TP53I13: variants seen among roughly 807,000 people sequenced by gnomAD.
The protein encoded by TP53I13 is tumor protein p53 inducible protein 13, also known as tumor protein p53-inducible protein 13.
TP53I13 carries 27 observed loss-of-function variants against 39.1 expected under a neutral mutation model. That is an observed-to-expected ratio of 0.69 (90% CI 0.51 to 0.95). TP53I13 has a LOEUF of 0.95. Ranked by LOEUF, TP53I13 falls within the 40% of genes least tolerant of loss-of-function variation. The probability of loss-of-function intolerance (pLI) is 0.00; values close to 1 mark genes in which losing one functional copy is unlikely to be tolerated. For synonymous variants in TP53I13, 230 were observed against 224.6 expected, an observed-to-expected ratio of 1.02 and a Z score of -0.22; for missense variants, 544 against 520.4, an observed-to-expected ratio of 1.05 and a Z score of -0.44.
At chr17:29,576,336 T>C (rs1000175695), downstream of TP53I13, 2 of 1,613,184 alleles carry the variant, frequency 1.2e-6, no homozygotes, top group Admixed American at 1.7e-5. Flanking sequence ...CTGCGGTGTG[T>C]GCTCCCGCCT....
chr17:29,579,265 T>C, the TP53I13 span: 6 of 505,286 alleles, frequency 1.2e-5, no homozygotes, highest in Non-Finnish European at 3.5e-6. Flanking sequence ...GCTCCCCAGG[T>C]TCCTCAATCA....
chr17:29,576,095 G>T (rs1000227959), downstream of TP53I13: 3 of 1,613,734 alleles, frequency 1.9e-6, no homozygotes, highest in Non-Finnish European at 2.5e-6. Flanking sequence ...AGGCCAGCAG[G>T]GACGTGCACT....
downstream of TP53I13, chr17:29,577,139 T>C (rs1263715815): frequency 6.2e-7 from 1 of 1,613,356 alleles, no homozygotes; most frequent in Non-Finnish European, 8.5e-7. Flanking sequence ...CTCCCACCTG[T>C]GGGGCTGCTC....
chr17:29,571,291 A>G (rs2032911421), intron 3 of TP53I13: 2 of 390,618 alleles, frequency 5.1e-6, no homozygotes, highest in Non-Finnish European at 4.7e-6. Flanking sequence ...CTGTAGAGCC[A>G]TCGTTACACC....
the TP53I13 span, chr17:29,579,254 A>C: frequency 1.9e-6 from 1 of 524,378 alleles, no homozygotes; most frequent in South Asian, 2.7e-5. Flanking sequence ...GTCCTAGTGA[A>C]GCTCCCCAGG....
At chr17:29,582,051 C>T in the TP53I13 span, 1 of 1,611,032 alleles carries the variant, frequency 6.2e-7, no homozygotes, top group Non-Finnish European at 8.5e-7. Context: ...GGTGTGGTGC[C>T]CTTCTCTGGG....
chr17:29,572,730 C>T, intron 6 of TP53I13, 33 bp downstream of exon 6: 4 of 1,497,810 alleles, frequency 2.7e-6, no homozygotes, highest in Non-Finnish European at 3.6e-6. Flanking sequence ...TACCCGAGGC[C>T]CCCGCCCCAC....
downstream of TP53I13, chr17:29,576,816 G>T (rs1236185267): frequency 1.9e-6 from 3 of 1,576,206 alleles, no homozygotes; most frequent in South Asian, 2.3e-5. Flanking sequence ...CTCAGCGAAG[G>T]CCTGGGTCAG....
chr17:29,580,419 A>T, the TP53I13 span, among the ~76,000 whole-genome samples: 1 of 151,908 alleles, frequency 6.6e-6, no homozygotes, highest in South Asian at 2.1e-4. Context: ...GGAGGAGAGC[A>T]CCTCCTCTCT....
At chr17:29,578,428 C>G in the TP53I13 span, 1 of 1,477,392 alleles carries the variant, frequency 6.8e-7, no homozygotes. Context: ...AGTGCCAAGG[C>G]CAGCTCCCCA....
chr17:29,568,785 A>C lies in TP53I13; in HGVS notation c.27A>C (p.Gln9His). 6.3e-7 allele frequency: 1 copy of C among 1,597,578 alleles called. No homozygotes were observed. The highest frequency in any genetic ancestry group is 1.3e-5 in the African/African-American group (1 of 74,832). MAPPPPSP[Q>H]LLLLAALARL... ...TGGCGCCTCCTCCGCCTTCGCCCCA[A>C]CTGCTTCTCCTGGCAGCCCTCGCGA... Residue 9 changes from glutamine (Q) to histidine (H), a missense_variant, in exon 1 of 7, where the codon CAA becomes CAC. Physicochemically the swap from Gln to His is conservative, Grantham distance 24. Transcript: ENST00000301057. This position sits in a 1 kb window ranked among gnomAD's most constrained non-coding sequence, Gnocchi z 4.5.
At chr17:29,577,143 G>T (rs1186534075), downstream of TP53I13, 1 of 1,613,412 alleles carries the variant, frequency 6.2e-7, no homozygotes, top group Non-Finnish European at 8.5e-7. Context: ...CACCTGTGGG[G>T]CTGCTCAGGC....
At chr17:29,577,454 C>A (rs547831493), downstream of TP53I13, among the ~76,000 whole-genome samples, 3 of 152,286 alleles carry the variant, frequency 2.0e-5, no homozygotes, top group African/African-American at 7.2e-5. Context: ...GGCCGGAACA[C>A]CCACCGGAGC....
chr17:29,571,606 T>C lies in TP53I13; in HGVS notation c.199T>C (p.Phe67Leu), dbSNP rs2032925010. ...TTTCCTCCAGGCTGAGGATGTCACC[T>C]TCCTCTACCACCCCTGTGCCCATCC... ...VSPGQAEDVT[F>L]LYHPCAHPWL... Residue 67 changes from phenylalanine to leucine, a missense_variant, in exon 4 of 7, where the codon TTC becomes CTC. By Grantham distance (22) the Phe-to-Leu change is conservative. Transcript: ENST00000301057. 2 of 1,614,054 alleles carry C rather than the reference T, an allele frequency of 1.2e-6. No homozygotes were observed. The highest frequency in any genetic ancestry group is 1.7e-6 in the Non-Finnish European group (2 of 1,180,002).
chr17:29,575,202 C>G, downstream of TP53I13: 2 of 1,552,210 alleles, frequency 1.3e-6, no homozygotes, highest in Non-Finnish European at 1.8e-6. This position sits in a 1 kb window ranked among gnomAD's most constrained non-coding sequence, Gnocchi z 5.5. Flanking sequence ...CCAGGGACAG[C>G]AGAACCCAGG....
downstream of TP53I13, chr17:29,574,409 G>A: frequency 2.3e-6 from 1 of 437,000 alleles, no homozygotes; most frequent in South Asian, 2.6e-5. Flanking sequence ...GCCCTAGAAG[G>A]CGAGGGGCTG....
At chr17:29,572,729 CCCCCGCCCCA>C (rs1399905805) in intron 6 of TP53I13, 32 bp downstream of exon 6, 1 of 1,485,286 alleles carries the variant, frequency 6.7e-7, no homozygotes, top group Non-Finnish European at 9.0e-7. Context: ...CTACCCGAGG[CCCCCGCCCCA>C]CCTCGCGTCG....
downstream of TP53I13, chr17:29,575,703 T>C: frequency 2.5e-6 from 4 of 1,612,370 alleles, no homozygotes; most frequent in South Asian, 1.1e-5. The surrounding 1 kb of genome is among the most constrained non-coding windows in gnomAD (Gnocchi z 5.5). Flanking sequence ...GAAAGCTTGC[T>C]CTGGAGGGCG....
chr17:29,575,391 C>G (rs2033154993), downstream of TP53I13: 1 of 1,613,396 alleles, frequency 6.2e-7, no homozygotes, highest in African/African-American at 1.3e-5. This position sits in a 1 kb window ranked among gnomAD's most constrained non-coding sequence, Gnocchi z 5.5. Context: ...AGCCCAGGAT[C>G]TAGGTCTCCA....
Sources: gnomAD v4.1 joint callset for allele counts (sites outside exome capture counted in the v4.1 genomes callset) on GRCh38, gnomAD v4.1.1 for gene constraint, Gnocchi (gnomAD v3.1) non-coding constraint, MANE v1.5 for transcripts, NCBI Gene and HGNC (gene_info 2026-07-23, HGNC 2026-07-21) for gene names.